RANBP2: variants seen among roughly 807,000 people sequenced by gnomAD.
RANBP2 encodes RAN binding protein 2.
RANBP2 carries 57 observed loss-of-function variants against 303.6 expected under a neutral mutation model. That is an observed-to-expected ratio of 0.19 (90% confidence interval 0.15 to 0.23). The LOEUF (loss-of-function observed/expected upper bound fraction) is 0.23. Ranked by LOEUF, RANBP2 falls within the 10% of genes least tolerant of loss-of-function variation. The probability of loss-of-function intolerance (pLI) is 1.00; values close to 1 mark genes in which losing one functional copy is unlikely to be tolerated. For synonymous variants in RANBP2, 1,167 were observed against 1,301.5 expected (o/e 0.90, Z 2.23); for missense variants, 3,138 against 3,780.8 (o/e 0.83, Z 4.46).
At chr2:109,016,585 T>C in the RANBP2 span, among the ~76,000 whole-genome samples, 2 of 152,186 alleles carry the variant, frequency 1.3e-5, no homozygotes, top group Admixed American at 1.3e-4. Context: ...TGTTTCCACA[T>C]GTGCTCGTGA....
the RANBP2 span, among the ~76,000 whole-genome samples, chr2:109,318,334 CCCGGTCCCCAGT>C: frequency 6.6e-6 from 1 of 152,006 alleles, no homozygotes; most frequent in South Asian, 2.1e-4. Context: ...CGGCCCCCAG[CCCGGTCCCCAGT>C]GCTTGTCCTC....
chr2:109,270,498 A>T, the RANBP2 span, among the ~76,000 whole-genome samples: 2 of 152,164 alleles, frequency 1.3e-5, no homozygotes, highest in Non-Finnish European at 2.9e-5. Flanking sequence ...ACTGGACTTA[A>T]TGTGGACAGG....
the RANBP2 span, among the ~76,000 whole-genome samples, chr2:109,527,718 G>A: frequency 6.6e-6 from 1 of 152,156 alleles, no homozygotes; most frequent in Admixed American, 6.5e-5. Context: ...TGTTTTGTAG[G>A]TCTAAAATTA....
intron 19 of RANBP2, 87 bp from the exon 20 acceptor site, chr2:108,763,150 G>A: frequency 7.2e-7 from 1 of 1,389,492 alleles, no homozygotes; most frequent in Non-Finnish European, 1.0e-6. Flanking sequence ...TCATATTCAT[G>A]TTTGAAGTTT....
At chr2:109,217,708 G>A in the RANBP2 span, among the ~76,000 whole-genome samples, 2 of 152,204 alleles carry the variant, frequency 1.3e-5, no homozygotes, top group Non-Finnish European at 2.9e-5. Context: ...CCTTTTTGGG[G>A]GAGGGTGGGG....
At chr2:109,021,398 C>T in the RANBP2 span, among the ~76,000 whole-genome samples, 1 of 152,006 alleles carries the variant, frequency 6.6e-6, no homozygotes, top group African/African-American at 2.4e-5. Flanking sequence ...TGGTGGGCGC[C>T]TGTAGTCCCA....
At chr2:108,811,452 C>T in the RANBP2 span, among the ~76,000 whole-genome samples, 1 of 151,832 alleles carries the variant, frequency 6.6e-6, no homozygotes, top group South Asian at 2.1e-4. Flanking sequence ...TATTGTGTTG[C>T]TGAGGCTGGT....
the RANBP2 span, among the ~76,000 whole-genome samples, chr2:109,494,452 G>A: frequency 9.2e-5 from 14 of 152,170 alleles, no homozygotes; most frequent in Non-Finnish European, 1.9e-4. Flanking sequence ...CTAGCAGGTC[G>A]GAGCTGAGGG....
the RANBP2 span, among the ~76,000 whole-genome samples, chr2:109,009,559 A>G: frequency 1.2e-4 from 18 of 151,742 alleles, no homozygotes; most frequent in Non-Finnish European, 2.4e-4. Flanking sequence ...AGGCTCTGTC[A>G]CTCTCACCCA....
chr2:109,612,407 T>C, the RANBP2 span, among the ~76,000 whole-genome samples: 1 of 152,228 alleles, frequency 6.6e-6, no homozygotes, highest in Non-Finnish European at 1.5e-5. Flanking sequence ...AATGACAATA[T>C]GCTGGTTGTG....
Position 108,720,821 on chromosome 2 carries a change from G to T in RANBP2, c.72+1143G>T, listed in dbSNP as rs1165062899. On this transcript the variant is annotated intron_variant, in intron 1 of 28. Coordinates refer to ENST00000283195, the MANE Select transcript of RANBP2 (RefSeq NM_006267.5). ...ACCACTTTGGGAGGCCGAGGAGGGC[G>T]GATTGCCTGAGGTCAGGAGTTCGTG... Among the ~76,000 whole-genome samples, 13 of 152,314 alleles carry T rather than the reference G, an allele frequency of 8.5e-5. No individual in the cohort carries two copies. In the South Asian group the frequency reaches 1.7e-3, roughly 19 times the overall value.
the RANBP2 span, chr2:108,812,709 G>GT: frequency 6.2e-7 from 1 of 1,607,260 alleles, no homozygotes; most frequent in Non-Finnish European, 8.5e-7. Context: ...TAATTTACAG[G>GT]TAAGTTGCCT....
chr2:109,537,695 C>T, the RANBP2 span, among the ~76,000 whole-genome samples: 1 of 152,128 alleles, frequency 6.6e-6, no homozygotes, highest in Non-Finnish European at 1.5e-5. Context: ...TCTGTAATCT[C>T]AGCACTTTGG....
chr2:109,614,701 C>A, the RANBP2 span: 2 of 1,488,882 alleles, frequency 1.3e-6, no homozygotes, highest in Non-Finnish European at 1.8e-6. Flanking sequence ...GTCGATCCCG[C>A]CGACGGCGCC....
the RANBP2 span, chr2:109,449,476 A>G: frequency 6.2e-7 from 1 of 1,613,960 alleles, no homozygotes. Flanking sequence ...CTAGACGAGA[A>G]GAAAAGTGAA....
the RANBP2 span, chr2:108,929,198 C>T: frequency 6.2e-7 from 1 of 1,613,968 alleles, no homozygotes; most frequent in Non-Finnish European, 8.5e-7. Flanking sequence ...CTGTGCTTAC[C>T]CAGGGAGGCA....
At chr2:109,420,591 G>A in the RANBP2 span, among the ~76,000 whole-genome samples, 1,022 of 152,204 alleles carry the variant, frequency 6.7e-3, 2 homozygotes, top group Non-Finnish European at 0.011. Context: ...GACTACAGGT[G>A]CCAGCCACCA....
chr2:109,603,434 T>C, the RANBP2 span, among the ~76,000 whole-genome samples: 1 of 151,786 alleles, frequency 6.6e-6, no homozygotes, highest in African/African-American at 2.4e-5. Context: ...AGAGATGGGG[T>C]TTCACCCTGT....
chr2:108,758,849 T>C (rs941561567), intron 18 of RANBP2, among the ~76,000 whole-genome samples: 36 of 151,950 alleles, frequency 2.4e-4, no homozygotes, highest in Non-Finnish European at 4.7e-4. Flanking sequence ...AATAGAGTTA[T>C]GCACTAAGAA....
Sources: gnomAD v4.1 joint callset for allele counts (sites outside exome capture counted in the v4.1 genomes callset) on GRCh38, gnomAD v4.1.1 for gene constraint, MANE v1.5 for transcripts, NCBI Gene and HGNC (gene_info 2026-07-23, HGNC 2026-07-21) for gene names.